The following UBAC2 variants were observed in gnomAD, a reference collection of about 807,000 sequenced individuals.
UBAC2 encodes the protein ubiquitin-associated domain-containing protein 2.
UBAC2 carries 26 observed loss-of-function variants against 44.0 expected under a neutral mutation model. The ratio of observed to expected loss-of-function variants is 0.59; its 90% CI spans 0.43 to 0.82. UBAC2 has a LOEUF of 0.82. Among genes scored for constraint, UBAC2 ranks in the 40% least tolerant of loss-of-function variants. The pLI, the probability that UBAC2 is intolerant of heterozygous loss-of-function variation, is 0.00. For synonymous variants in UBAC2, 155 were observed against 154.3 expected, an observed-to-expected ratio of 1.00 and a Z score of -0.04; for missense variants, 329 against 419.4, an observed-to-expected ratio of 0.78 and a Z score of 1.88.
chr13:99,342,785 G>A (rs2044912076), intron 7 of UBAC2, among the ~76,000 whole-genome samples: 1 of 151,996 alleles, frequency 6.6e-6, no homozygotes, highest in South Asian at 2.1e-4. Context: ...CAGGTGATCT[G>A]CCATGCCCAG....
intron 4 of UBAC2, among the ~76,000 whole-genome samples, chr13:99,282,573 A>C (rs1041238667): frequency 1.3e-5 from 2 of 152,204 alleles, no homozygotes; most frequent in Admixed American, 1.3e-4. Flanking sequence ...GTTCAAAAAG[A>C]AATAAAGATA....
chr13:99,208,762 C>CA (rs2042905483), intron 1 of UBAC2, among the ~76,000 whole-genome samples: 1 of 152,178 alleles, frequency 6.6e-6, no homozygotes, highest in Admixed American at 6.5e-5. Flanking sequence ...GTGAGGCTCT[C>CA]AGATTGTTCT....
intron 1 of UBAC2, among the ~76,000 whole-genome samples, chr13:99,220,161 A>T (rs2043038648): frequency 6.6e-6 from 1 of 152,234 alleles, no homozygotes; most frequent in Non-Finnish European, 1.5e-5. Flanking sequence ...AAAATAGTAC[A>T]CATATAAAGT....
intron 4 of UBAC2, among the ~76,000 whole-genome samples, chr13:99,292,389 G>A (rs188362346): frequency 5.3e-5 from 8 of 151,492 alleles, no homozygotes; most frequent in African/African-American, 1.7e-4. Flanking sequence ...TGATTCACCC[G>A]CCTCGGCCTC....
At chr13:99,235,769 G>C (rs762164828) in intron 1 of UBAC2, among the ~76,000 whole-genome samples, 1 of 152,152 alleles carries the variant, frequency 6.6e-6, no homozygotes, top group Non-Finnish European at 1.5e-5. Context: ...GAGGCTAGGA[G>C]TTTGAGACCA....
intron 1 of UBAC2, among the ~76,000 whole-genome samples, chr13:99,208,316 A>T (rs188613084): frequency 6.6e-6 from 1 of 152,290 alleles, no homozygotes; most frequent in Non-Finnish European, 1.5e-5. Context: ...TCTTTAAAAT[A>T]CACTCAGTTG....
chr13:99,230,944 G>A (rs148060564), intron 1 of UBAC2, among the ~76,000 whole-genome samples: 1 of 152,096 alleles, frequency 6.6e-6, no homozygotes, highest in Non-Finnish European at 1.5e-5. Flanking sequence ...AGCTACTCAG[G>A]GGGCTGAGGC....
intron 6 of UBAC2, among the ~76,000 whole-genome samples, chr13:99,328,604 A>AT (rs946563289): frequency 5.3e-5 from 8 of 151,080 alleles, no homozygotes; most frequent in East Asian, 1.9e-4. Flanking sequence ...GATGTTGAGC[A>AT]TTTTTTTTCA....
chr13:99,345,504 T>C (rs2044961360), intron 7 of UBAC2, among the ~76,000 whole-genome samples: 1 of 152,040 alleles, frequency 6.6e-6, no homozygotes, highest in South Asian at 2.1e-4. Flanking sequence ...AAATAGGTTG[T>C]TTCCCAAGAC....
intron 4 of UBAC2, among the ~76,000 whole-genome samples, chr13:99,298,250 A>G (rs747065867): frequency 5.3e-5 from 8 of 152,314 alleles, no homozygotes; most frequent in Non-Finnish European, 1.0e-4. Context: ...AAATTTGACC[A>G]TGTGCTAGGT....
intron 4 of UBAC2, among the ~76,000 whole-genome samples, chr13:99,268,799 G>A (rs1303846939): frequency 6.6e-6 from 1 of 152,134 alleles, no homozygotes; most frequent in African/African-American, 2.4e-5. Context: ...GCCATTTGTA[G>A]GATTACAGGG....
chr13:99,242,494 CCGGGCGGGGGG>C (rs2043318854), intron 2 of UBAC2, among the ~76,000 whole-genome samples: 1 of 144,168 alleles, frequency 6.9e-6, no homozygotes, highest in Non-Finnish European at 1.5e-5. Flanking sequence ...GGGCGGCTGG[CCGGGCGGGGGG>C]CTGCCCCCCC....
intron 4 of UBAC2, among the ~76,000 whole-genome samples, chr13:99,291,974 A>C (rs942118190): frequency 2.0e-5 from 3 of 152,150 alleles, no homozygotes; most frequent in Non-Finnish European, 4.4e-5. Flanking sequence ...CCAAGTTTAT[A>C]ATCTATACCT....
chr13:99,360,333 C>T (rs1192501213), intron 7 of UBAC2, among the ~76,000 whole-genome samples: 2 of 152,224 alleles, frequency 1.3e-5, no homozygotes, highest in Non-Finnish European at 2.9e-5. Context: ...GATGGCTTTA[C>T]GTTCTATTTT....
intron 4 of UBAC2, among the ~76,000 whole-genome samples, chr13:99,246,411 A>G (rs1360151859): frequency 1.3e-5 from 2 of 152,232 alleles, no homozygotes; most frequent in Non-Finnish European, 2.9e-5. Flanking sequence ...GACTCAGGAA[A>G]GCAGCAGCAT....
At chr13:99,255,033 A>G (rs758585811) in intron 4 of UBAC2, 1 of 1,614,172 alleles carries the variant, frequency 6.2e-7, no homozygotes, top group South Asian at 1.1e-5. Context: ...TCACATCCAG[A>G]CACGTGCTGA....
At chr13:99,248,644 A>G (rs1233653864) in intron 4 of UBAC2, among the ~76,000 whole-genome samples, 2 of 152,086 alleles carry the variant, frequency 1.3e-5, no homozygotes, top group African/African-American at 4.8e-5. Flanking sequence ...TGGCCTCCCA[A>G]AGTGCTGGGA....
chr13:99,382,947 G>A, intron 8 of UBAC2, among the ~76,000 whole-genome samples: 1 of 152,196 alleles, frequency 6.6e-6, no homozygotes, highest in East Asian at 1.9e-4. Context: ...GGAGAGGGCT[G>A]TCACACCCGC....
At chr13:99,208,712 C>G (rs4772181) in intron 1 of UBAC2, among the ~76,000 whole-genome samples, 39,451 of 152,072 alleles carry the variant, frequency 0.26, 5,905 homozygotes, top group African/African-American at 0.41. Flanking sequence ...TCTGACTTCA[C>G]TAGTTTCTGG....
Sources: allele counts gnomAD v4.1 joint callset (sites outside exome capture counted in the v4.1 genomes callset), GRCh38; gene constraint gnomAD v4.1.1; transcripts MANE v1.5; gene names NCBI Gene and HGNC (gene_info 2026-07-23, HGNC 2026-07-21).